Variants in AGFG1 observed in about 807,000 individuals in gnomAD.
AGFG1 encodes the protein arf-GAP domain and FG repeat-containing protein 1.
Under a neutral mutation model 60.6 loss-of-function variants are expected in AGFG1, and 10 were observed. That is an observed-to-expected ratio of 0.16 (90% CI 0.10 to 0.28). AGFG1 has a LOEUF of 0.28. Among genes scored for constraint, AGFG1 ranks in the 10% least tolerant of loss-of-function variants. The pLI, the probability that AGFG1 is intolerant of heterozygous loss-of-function variation, is 1.00. For missense variants in AGFG1, 537 were observed against 676.5 expected, an observed-to-expected ratio of 0.79 and a Z score of 2.29; for synonymous variants, 247 against 242.9, an observed-to-expected ratio of 1.02 and a Z score of -0.16.
At chr2:227,501,023 A>G (rs1388589264) in intron 2 of AGFG1, among the ~76,000 whole-genome samples, 2 of 152,054 alleles carry the variant, frequency 1.3e-5, no homozygotes, top group African/African-American at 2.4e-5. Flanking sequence ...TGAACTCCTG[A>G]TCTCAGGTGA....
intron 1 of AGFG1, among the ~76,000 whole-genome samples, chr2:227,485,717 A>G (rs1349763433): frequency 2.0e-5 from 3 of 152,094 alleles, no homozygotes; most frequent in Non-Finnish European, 4.4e-5. Flanking sequence ...TGATTTGGTG[A>G]ATTTTTAATT....
At position 227,472,488 on chromosome 2, in the gene AGFG1, C is replaced by A. The variant is rs775758146; in HGVS notation, c.67C>A (p.Leu23Ile). 2 of 1,580,120 alleles carry A rather than the reference C, an allele frequency of 1.3e-6. No individual in the cohort carries two copies. Among genetic ancestry groups the A allele is most frequent in the Non-Finnish European group, 1.7e-6 (2 of 1,163,562 alleles). Residue 23 changes from leucine (L) to isoleucine (I), a missense_variant, in exon 1 of 13, where the codon CTC becomes ATC. Transcript: ENST00000310078. ...GAAGATGCTGCGGGACATGACCGGC[C>A]TCCCGCACAACCGAAAGTGCTTCGA... ...HLKMLRDMTG[L>I]PHNRKCFDCD...
chr2:227,560,345 TTATTC>T lies in AGFG1; in HGVS notation c.*5855_*5859del, dbSNP rs1482308271. The stretch of plus-strand genomic sequence containing the variant: ...GGAAACTTTATTAATAAAGTAGACA[TTATTC>T]TATTTTGAGGCTCACCAGCTGTGTA... On this transcript the variant is annotated 3_prime_UTR_variant, in exon 13 of 13. Transcript: ENST00000310078. The T allele has an allele frequency of 6.6e-6, 1 of 152,100 alleles. No individual in the cohort carries two copies. The highest frequency in any genetic ancestry group is 2.4e-5 in the African/African-American group (1 of 41,432). The allele number at this position is 152,100 out of a possible 1,614,324, so 9.4% of individuals were successfully genotyped here.
At chr2:227,474,792 T>C (rs78859406) in intron 1 of AGFG1, among the ~76,000 whole-genome samples, 7,317 of 152,322 alleles carry the variant, frequency 0.048, 208 homozygotes, top group African/African-American at 0.089. Flanking sequence ...CAAGTACTTA[T>C]GAGCTAGGTA....
intron 3 of AGFG1, among the ~76,000 whole-genome samples, chr2:227,521,408 A>G (rs1408694857): frequency 1.1e-4 from 16 of 152,258 alleles, no homozygotes; most frequent in Admixed American, 1.0e-3. Flanking sequence ...AGTCAGGGCT[A>G]TATTCAGCTG....
chr2:227,543,071 C>T (rs961981985), intron 10 of AGFG1, among the ~76,000 whole-genome samples: 5 of 151,912 alleles, frequency 3.3e-5, no homozygotes, highest in African/African-American at 9.7e-5. Flanking sequence ...GTCTTGCTAG[C>T]GGTCTGTCAA....
At chr2:227,531,739 A>G (rs958269191) in intron 6 of AGFG1, among the ~76,000 whole-genome samples, 1 of 151,832 alleles carries the variant, frequency 6.6e-6, no homozygotes, top group Non-Finnish European at 1.5e-5. Flanking sequence ...AGCCAGTACT[A>G]TAAGTTTTTT....
intron 2 of AGFG1, among the ~76,000 whole-genome samples, chr2:227,493,652 A>G (rs1690886857): frequency 6.6e-6 from 1 of 152,238 alleles, no homozygotes; most frequent in Non-Finnish European, 1.5e-5. Context: ...AGAGGTTTGC[A>G]AGTTGATAGA....
In AGFG1 at chr2:227,557,682, T is replaced by G. The variant is rs1693015248; in HGVS notation, c.*3187T>G. On this transcript the variant is annotated 3_prime_UTR_variant, in exon 13 of 13. Coordinates refer to ENST00000310078, the MANE Select transcript of AGFG1 (RefSeq NM_004504.5). The stretch of plus-strand genomic sequence containing the variant: ...AAAATAACTTTTCCAAAACAAAAAC[T>G]AATGAGAACAGGAACATTGTTTTAC... 6.6e-6 allele frequency: 1 copy of G among 152,184 alleles called. No homozygotes were observed. Among genetic ancestry groups the G allele is most frequent in the Non-Finnish European group, 1.5e-5 (1 of 68,020 alleles). The allele number at this position is 152,184 out of a possible 1,614,324, so 9.4% of individuals were successfully genotyped here. A position where few individuals can be genotyped will look rare whatever the true frequency, so the allele number is the denominator to read the frequency against.
chr2:227,483,272 T>G (rs1690523572), intron 1 of AGFG1, among the ~76,000 whole-genome samples: 1 of 152,222 alleles, frequency 6.6e-6, no homozygotes, highest in South Asian at 2.1e-4. Context: ...ATTTGGTAGG[T>G]GAAGATAGTC....
chr2:227,518,801 G>A (rs1253445729), intron 2 of AGFG1, among the ~76,000 whole-genome samples: 1 of 152,026 alleles, frequency 6.6e-6, no homozygotes, highest in African/African-American at 2.4e-5. Flanking sequence ...ATTTTAATTT[G>A]CATTTTATGC....
chr2:227,508,668 G>C, intron 2 of AGFG1: 1 of 463,982 alleles, frequency 2.2e-6, no homozygotes, highest in Non-Finnish European at 4.4e-6. Flanking sequence ...TAGAACAATT[G>C]GAATGGAAAC....
At chr2:227,481,734 C>T (rs1052036352) in intron 1 of AGFG1, among the ~76,000 whole-genome samples, 17 of 152,116 alleles carry the variant, frequency 1.1e-4, no homozygotes, top group Non-Finnish European at 2.4e-4. Flanking sequence ...AGTTTTGATA[C>T]AGGCATGCAG....
At position 227,524,928 on chromosome 2, in the gene AGFG1, T is replaced by TC. The variant is rs761356716; in HGVS notation, c.694+16dup. 75 of 1,613,288 alleles carry TC rather than the reference T, an allele frequency of 4.6e-5. No individual in the cohort carries two copies. In the Middle Eastern group the frequency reaches 9.9e-4, roughly 21 times the overall value. On this transcript the variant is annotated intron_variant, in intron 5 of 12. Coordinates refer to ENST00000310078, the MANE Select transcript of AGFG1 (RefSeq NM_004504.5). ...AACAGTCATGCAGGTAAGTGTTTTT[T>TC]CCCAACAGCTTTTGCTGGGGATGCA...
intron 1 of AGFG1, among the ~76,000 whole-genome samples, chr2:227,478,702 G>A (rs895456368): frequency 1.2e-4 from 19 of 152,114 alleles, no homozygotes; most frequent in African/African-American, 4.6e-4. Flanking sequence ...TTGAATATGG[G>A]TCCACTGATT....
chr2:227,484,561 T>C (rs1277624908), intron 1 of AGFG1, among the ~76,000 whole-genome samples: 1 of 152,128 alleles, frequency 6.6e-6, no homozygotes, highest in Admixed American at 6.5e-5. Flanking sequence ...TAAGATGATA[T>C]TTGTTTAGAT....
At chr2:227,472,715 T>C (rs1690132681) in intron 1 of AGFG1, 127 bp downstream of exon 1, 22 of 1,104,776 alleles carry the variant, frequency 2.0e-5, no homozygotes, top group Non-Finnish European at 2.3e-5. Flanking sequence ...GGGGCGGCCG[T>C]TGGGCGCCGG....
At chr2:227,505,733 T>G (rs1037711599) in intron 2 of AGFG1, among the ~76,000 whole-genome samples, 1 of 152,162 alleles carries the variant, frequency 6.6e-6, no homozygotes, top group Non-Finnish European at 1.5e-5. Flanking sequence ...TTATTTTGTT[T>G]TTTTTGTTTG....
chr2:227,481,419 G>T (rs1446073063), intron 1 of AGFG1, among the ~76,000 whole-genome samples: 1 of 152,110 alleles, frequency 6.6e-6, no homozygotes, highest in African/African-American at 2.4e-5. Context: ...AGGAACTGGA[G>T]AGTCTAATGA....
Sources: gnomAD v4.1 joint callset for allele counts (sites outside exome capture counted in the v4.1 genomes callset) on GRCh38, gnomAD v4.1.1 for gene constraint, MANE v1.5 for transcripts, NCBI Gene and HGNC (gene_info 2026-07-23, HGNC 2026-07-21) for gene names.